Variants in DPF3 observed in about 807,000 individuals in gnomAD.
The protein encoded by DPF3 is zinc finger protein DPF3.
A neutral mutation model predicts 56.8 loss-of-function variants in DPF3; 18 were observed. The observed-to-expected ratio is 0.32, with a 90% CI of 0.22 to 0.47. The LOEUF is 0.47. Among genes scored for constraint, DPF3 ranks in the 20% least tolerant of loss-of-function variants. The pLI is 1.00. For missense variants in DPF3, 403 were observed against 488.8 expected, an observed-to-expected ratio of 0.82 and a Z score of 1.65; for synonymous variants, 188 against 180.2, an observed-to-expected ratio of 1.04 and a Z score of -0.35.
intron 5 of DPF3, 118 bp downstream of exon 5, chr14:72,723,515 G>A (rs1830656177): frequency 3.4e-6 from 3 of 883,740 alleles, no homozygotes; most frequent in Non-Finnish European, 5.1e-6. Context: ...TCTCCTTTGA[G>A]CGTTCTCCAT....
intron 2 of DPF3, among the ~76,000 whole-genome samples, chr14:72,761,001 T>C (rs571750845): frequency 6.6e-6 from 1 of 152,214 alleles, no homozygotes; most frequent in South Asian, 2.1e-4. Flanking sequence ...TATTTTATAA[T>C]GATAAAGGAA....
intron 7 of DPF3, among the ~76,000 whole-genome samples, chr14:72,690,113 T>C (rs1887610040): frequency 6.6e-6 from 1 of 152,090 alleles, no homozygotes; most frequent in Non-Finnish European, 1.5e-5. Flanking sequence ...TGTGTGCCAC[T>C]CACTGACAAG....
chr14:72,620,124 T>TTGGA lies in DPF3; in HGVS notation c.985-141_985-140insTCCA, dbSNP rs1225487551. On this transcript the variant is annotated intron_variant, in intron 9 of 10. Transcript: ENST00000556509. The stretch of plus-strand genomic sequence containing the variant: ...TCCAGGCCCCACTTGGAGTCCTCAC[T>TTGGA]GTCCCCTGAACACGCCTGTGCTTTT... The TTGGA allele has an allele frequency of 2.6e-5, 21 of 793,894 alleles. No individual in the cohort carries two copies. In the Admixed American group the frequency reaches 6.1e-4, roughly 23 times the overall value. The allele number at this position is 793,894 out of a possible 1,614,324, so 49.2% of individuals were successfully genotyped here.
At chr14:72,787,189 T>G (rs902195297) in intron 1 of DPF3, among the ~76,000 whole-genome samples, 2 of 152,054 alleles carry the variant, frequency 1.3e-5, no homozygotes, top group African/African-American at 4.8e-5. Flanking sequence ...TACACCCCTT[T>G]CCTCCCCAGA....
rs373115209 is a variant in DPF3 at position 72,683,156 on chromosome 14, G to A, written c.743-8788C>T. 3.9e-5 allele frequency among the ~76,000 whole-genome samples: 6 copies of A among 151,964 alleles called. No homozygotes were observed. The East Asian group carries it at 5.8e-4, about 15-fold the overall frequency. ...AGCCTGGCTAACATAGCAAAACCCC[G>A]CCTCTACTAAAAATACAAAAATTAG... On this transcript the variant is annotated intron_variant, in intron 7 of 10. Coordinates refer to ENST00000556509, the MANE Select transcript of DPF3 (RefSeq NM_001280542.3).
At chr14:72,694,224 T>C (rs1263087237) in intron 6 of DPF3, among the ~76,000 whole-genome samples, 3 of 152,214 alleles carry the variant, frequency 2.0e-5, no homozygotes, top group African/African-American at 7.2e-5. Flanking sequence ...GCATTGCTGG[T>C]AGCAGAAACC....
intron 1 of DPF3, among the ~76,000 whole-genome samples, chr14:72,805,445 G>A (rs552981007): frequency 6.6e-6 from 1 of 151,886 alleles, no homozygotes; most frequent in Non-Finnish European, 1.5e-5. Flanking sequence ...ACTCCAGCCT[G>A]GGCAACAAGA....
At chr14:72,848,210 T>C (rs1599493230) in intron 1 of DPF3, among the ~76,000 whole-genome samples, 1 of 152,192 alleles carries the variant, frequency 6.6e-6, no homozygotes, top group Non-Finnish European at 1.5e-5. Context: ...CAGGCTGGAG[T>C]GCAAGTGCAA....
chr14:72,753,857 G>A (rs747022086), intron 2 of DPF3, among the ~76,000 whole-genome samples: 7 of 152,048 alleles, frequency 4.6e-5, no homozygotes, highest in South Asian at 4.2e-4. Context: ...ACTCAAAGGC[G>A]TCTCCCACCC....
intron 1 of DPF3, chr14:72,892,742 C>A (rs1272673092): frequency 2.1e-6 from 2 of 975,262 alleles, no homozygotes; most frequent in Non-Finnish European, 1.2e-6. Context: ...CCTCCCTCTG[C>A]CACTTCGCCT....
At chr14:72,693,542 A>C (rs1567202615) in intron 6 of DPF3, among the ~76,000 whole-genome samples, 1 of 152,230 alleles carries the variant, frequency 6.6e-6, no homozygotes, top group Non-Finnish European at 1.5e-5. Context: ...GAACAATAAC[A>C]GTACTTACCT....
At chr14:72,651,305 G>A (rs890647123) in intron 8 of DPF3, among the ~76,000 whole-genome samples, 16 of 152,216 alleles carry the variant, frequency 1.1e-4, no homozygotes, top group Non-Finnish European at 1.5e-4. Flanking sequence ...CTCAGCCAGC[G>A]ACTGACCCCT....
At chr14:72,849,710 G>A (rs1884897564) in intron 1 of DPF3, among the ~76,000 whole-genome samples, 1 of 152,122 alleles carries the variant, frequency 6.6e-6, no homozygotes, top group South Asian at 2.1e-4. Context: ...AGGCAAGGTG[G>A]CCTTTATCCC....
rs138044756 is a variant in DPF3 at position 72,612,799 on chromosome 14, G to A, written c.*6498C>T. Among the ~76,000 whole-genome samples the A allele has an allele frequency of 4.1e-4, 63 of 152,358 alleles. No homozygotes were observed. The highest frequency in any genetic ancestry group is 1.4e-3 in the African/African-American group (59 of 41,586). ...CATAGGTGAACGAAGGGAAGAGAAG[G>A]AGAGAGGTCGCGGAGCCAGTAGCTT... On this transcript the variant is annotated 3_prime_UTR_variant, in exon 11 of 11. Transcript: ENST00000556509.
intron 2 of DPF3, among the ~76,000 whole-genome samples, chr14:72,753,940 C>G (rs1365180477): frequency 6.6e-6 from 1 of 151,986 alleles, no homozygotes; most frequent in Non-Finnish European, 1.5e-5. Context: ...TAAACCCACT[C>G]TGGTGACCAG....
intron 1 of DPF3, among the ~76,000 whole-genome samples, chr14:72,886,296 T>C (rs1439276378): frequency 6.6e-6 from 1 of 152,036 alleles, no homozygotes; most frequent in Non-Finnish European, 1.5e-5. Context: ...CACTTGAACC[T>C]GGGAGGCGGA....
intron 8 of DPF3, among the ~76,000 whole-genome samples, chr14:72,639,147 T>C (rs1371420557): frequency 6.6e-6 from 1 of 152,214 alleles, no homozygotes; most frequent in East Asian, 1.9e-4. Context: ...TTGAGTGTTC[T>C]TGTGGACTTT....
At chr14:72,702,963 C>A (rs1888240566) in intron 6 of DPF3, among the ~76,000 whole-genome samples, 1 of 152,212 alleles carries the variant, frequency 6.6e-6, no homozygotes, top group African/African-American at 2.4e-5. Context: ...CTGATACTAA[C>A]CCGCTATGCA....
chr14:72,855,367 T>C (rs1328645238), intron 1 of DPF3, among the ~76,000 whole-genome samples: 2 of 152,220 alleles, frequency 1.3e-5, no homozygotes, highest in African/African-American at 4.8e-5. Flanking sequence ...CCATCTCATC[T>C]GTATTCCTGG....
Sources: gnomAD v4.1 joint callset for allele counts (sites outside exome capture counted in the v4.1 genomes callset) on GRCh38, gnomAD v4.1.1 for gene constraint, MANE v1.5 for transcripts, NCBI Gene and HGNC (gene_info 2026-07-23, HGNC 2026-07-21) for gene names.